The following IKBKB-DT variants were observed in gnomAD, a reference collection of about 807,000 sequenced individuals.
IKBKB-DT encodes IKBKB divergent transcript.
intron 3 of IKBKB-DT, among the ~76,000 whole-genome samples, chr8:42,262,426 T>TTTATTTATTTATTTATTTA (rs1807302267): frequency 6.9e-6 from 1 of 144,286 alleles, no homozygotes; most frequent in African/African-American, 2.8e-5. Context: ...TACCACATTC[T>TTTATTTATTTATTTATTTA]TTTATTTATT....
rs998059870 is a variant in IKBKB-DT, at chr8:42,234,877, G to T, written n.1530-1018C>A. ...ACTCCTGACCTCAGGTGATCTGCCC[G>T]CCTTGGCCTCCCAAAGTGCTGGGAT... On this transcript the variant is annotated intron_variant and non_coding_transcript_variant, in intron 3 of 3. Coordinates refer to ENST00000518213, the Ensembl canonical transcript of IKBKB-DT. Among the ~76,000 whole-genome samples, 9 of 152,240 alleles carry T rather than the reference G, an allele frequency of 5.9e-5. No individual in the cohort carries two copies. In the East Asian group the frequency reaches 1.7e-3, roughly 29 times the overall value.
At chr8:42,237,537 G>C (rs1806940434) in intron 3 of IKBKB-DT, among the ~76,000 whole-genome samples, 1 of 152,174 alleles carries the variant, frequency 6.6e-6, no homozygotes, top group Admixed American at 6.5e-5. Context: ...CCTTGGTCAA[G>C]AGGGGGGCCC....
intron 3 of IKBKB-DT, among the ~76,000 whole-genome samples, chr8:42,239,306 C>T (rs944681914): frequency 6.6e-6 from 1 of 151,932 alleles, no homozygotes; most frequent in African/African-American, 2.4e-5. Flanking sequence ...CAGCATGGCC[C>T]TCATCCCGCT....
At chr8:42,238,783 T>A (rs533322839) in intron 3 of IKBKB-DT, among the ~76,000 whole-genome samples, 65 of 152,260 alleles carry the variant, frequency 4.3e-4, no homozygotes, top group African/African-American at 1.5e-3. Context: ...TCCAGAGACT[T>A]ACTTAGCACG....
chr8:42,256,606 T>C (rs569816520), intron 3 of IKBKB-DT, among the ~76,000 whole-genome samples: 138 of 152,052 alleles, frequency 9.1e-4, no homozygotes, highest in Non-Finnish European at 1.7e-3. Flanking sequence ...ATAATTTAAA[T>C]CATCTTCATT....
At chr8:42,243,045 C>A (rs751709576) in intron 3 of IKBKB-DT, among the ~76,000 whole-genome samples, 3 of 152,118 alleles carry the variant, frequency 2.0e-5, no homozygotes, top group African/African-American at 7.2e-5. Flanking sequence ...GCTTTGCTCT[C>A]GGAGTAGAAA....
chr8:42,253,903 AGAG>A (rs753652260), intron 3 of IKBKB-DT, among the ~76,000 whole-genome samples: 6 of 152,234 alleles, frequency 3.9e-5, no homozygotes, highest in Non-Finnish European at 7.3e-5. Flanking sequence ...AGGCAAAGGC[AGAG>A]GAGAACAAAG....
chr8:42,239,204 C>T (rs1326199124), intron 3 of IKBKB-DT, among the ~76,000 whole-genome samples: 2 of 152,106 alleles, frequency 1.3e-5, no homozygotes, highest in African/African-American at 2.4e-5. Context: ...AAAAAACACT[C>T]ATCACAGTTC....
chr8:42,252,965 C>A (rs892263199), intron 3 of IKBKB-DT, among the ~76,000 whole-genome samples: 2 of 152,140 alleles, frequency 1.3e-5, no homozygotes, highest in African/African-American at 2.4e-5. Flanking sequence ...AATGGCCCTG[C>A]AAAGCTGTCC....
intron 3 of IKBKB-DT, among the ~76,000 whole-genome samples, chr8:42,259,567 A>G (rs966354134): frequency 6.6e-6 from 1 of 152,218 alleles, no homozygotes; most frequent in African/African-American, 2.4e-5. Context: ...TTTAGTAGAC[A>G]TGTGATAAAC....
exon 1 of IKBKB-DT, chr8:42,271,220 G>A (rs1283032597): frequency 6.3e-6 from 4 of 637,948 alleles, no homozygotes; most frequent in South Asian, 1.7e-5. Context: ...CCCGGGACAG[G>A]CGCAGCACTC....
chr8:42,265,186 A>G (rs1353164324), intron 2 of IKBKB-DT, among the ~76,000 whole-genome samples: 2 of 152,146 alleles, frequency 1.3e-5, no homozygotes, highest in African/African-American at 4.8e-5. Context: ...AAGTAAAGAT[A>G]GGTTCTTGTT....
intron 2 of IKBKB-DT, among the ~76,000 whole-genome samples, chr8:42,263,883 C>T (rs577668726): frequency 6.6e-6 from 1 of 152,202 alleles, no homozygotes; most frequent in African/African-American, 2.4e-5. Flanking sequence ...ACGATTTTGG[C>T]TCACTGCAAC....
At chr8:42,248,746 A>T (rs1277917119) in intron 3 of IKBKB-DT, among the ~76,000 whole-genome samples, 3 of 151,904 alleles carry the variant, frequency 2.0e-5, no homozygotes, top group African/African-American at 7.3e-5. Flanking sequence ...AGGTGTGGTG[A>T]CAGGCACCTG....
At chr8:42,254,723 C>G (rs572430462) in intron 3 of IKBKB-DT, among the ~76,000 whole-genome samples, 1 of 149,172 alleles carries the variant, frequency 6.7e-6, no homozygotes, top group East Asian at 2.0e-4. Context: ...AGCACCACTG[C>G]CCAGCTTCCC....
chr8:42,256,929 CAATT>C (rs1180936233), intron 3 of IKBKB-DT, among the ~76,000 whole-genome samples: 2 of 152,018 alleles, frequency 1.3e-5, no homozygotes, highest in Non-Finnish European at 2.9e-5. Flanking sequence ...CAAAATAAAA[CAATT>C]AACTGTCTGT....
chr8:42,248,533 A>G (rs188037040), intron 3 of IKBKB-DT, among the ~76,000 whole-genome samples: 1 of 152,344 alleles, frequency 6.6e-6, no homozygotes, highest in East Asian at 1.9e-4. Context: ...TGATTTTCAC[A>G]AACATTTTCC....
intron 1 of IKBKB-DT, among the ~76,000 whole-genome samples, chr8:42,268,072 T>G (rs951909370): frequency 1.3e-5 from 2 of 151,970 alleles, no homozygotes; most frequent in African/African-American, 4.8e-5. Context: ...AAACCTTTTA[T>G]GACATTGTAC....
At chr8:42,267,295 G>A (rs1393896841) in intron 1 of IKBKB-DT, among the ~76,000 whole-genome samples, 4 of 152,016 alleles carry the variant, frequency 2.6e-5, no homozygotes, top group Admixed American at 2.0e-4. Context: ...ACCATGCCTG[G>A]CCCCTACTTT....
Sources: gnomAD v4.1 joint callset for allele counts (sites outside exome capture counted in the v4.1 genomes callset) on GRCh38, gnomAD v4.1.1 for gene constraint, MANE v1.5 for transcripts, NCBI Gene and HGNC (gene_info 2026-07-23, HGNC 2026-07-21) for gene names.